Variants in ARID3C observed in about 807,000 individuals in gnomAD.
The protein encoded by ARID3C is AT-rich interaction domain 3C, also known as AT-rich interactive domain-containing protein 3C.
A neutral mutation model predicts 37.9 loss-of-function variants in ARID3C; 42 were observed. That is an observed-to-expected ratio of 1.11 (90% CI 0.87 to 1.43). The LOEUF (loss-of-function observed/expected upper bound fraction) is 1.43, where lower values mean the gene tolerates loss of function less well. Ranked by LOEUF, ARID3C falls within the 40% of genes most tolerant of loss-of-function variation. The pLI, the probability that ARID3C is intolerant of heterozygous loss-of-function variation, is 0.00. For missense variants in ARID3C, 581 were observed against 548.8 expected, an observed-to-expected ratio of 1.06 and a Z score of -0.59; for synonymous variants, 213 against 228.0, an observed-to-expected ratio of 0.93 and a Z score of 0.59.
exon 5 of ARID3C, chr9:34,622,400 G>A: frequency 6.2e-7 from 1 of 1,613,926 alleles, no homozygotes; most frequent in Non-Finnish European, 8.5e-7. Flanking sequence ...GCAAGGTCGA[G>A]GTGGGTCCAT....
chr9:34,632,544 A>T (rs984598241), upstream of ARID3C, among the ~76,000 whole-genome samples: 1 of 152,172 alleles, frequency 6.6e-6, no homozygotes, highest in African/African-American at 2.4e-5. Flanking sequence ...CGTGAAGATC[A>T]GTTAGGGGGC....
chr9:34,629,726 A>C (rs1820706042), upstream of ARID3C, among the ~76,000 whole-genome samples: 1 of 151,948 alleles, frequency 6.6e-6, no homozygotes, highest in Non-Finnish European at 1.5e-5. Flanking sequence ...TCTATTATGG[A>C]AATTTTCTTT....
chr9:34,622,408 C>T, exon 5 of ARID3C: 1 of 1,614,072 alleles, frequency 6.2e-7, no homozygotes, highest in Non-Finnish European at 8.5e-7. Flanking sequence ...GAGGTGGGTC[C>T]ATAGGCCCCA....
intron 2 of ARID3C, among the ~76,000 whole-genome samples, chr9:34,624,645 G>T (rs181650235): frequency 1.3e-5 from 2 of 152,184 alleles, no homozygotes; most frequent in Non-Finnish European, 2.9e-5. Flanking sequence ...AGCCCGCGCC[G>T]CCCCCGCCGG....
At chr9:34,627,629 C>A (rs1484164152) in intron 1 of ARID3C, 68 bp downstream of exon 2, 2 of 1,463,786 alleles carry the variant, frequency 1.4e-6, no homozygotes, top group East Asian at 2.3e-5. Context: ...CTGCTAATCA[C>A]CTGGCTGTGC....
At chr9:34,624,127 G>A in intron 2 of ARID3C, 80 bp from the exon 4 acceptor site, 1 of 1,438,704 alleles carries the variant, frequency 7.0e-7, no homozygotes, top group East Asian at 2.5e-5. Flanking sequence ...TACAGGACGG[G>A]AGCCCCGGGG....
At chr9:34,631,232 G>A (rs1301075974), upstream of ARID3C, among the ~76,000 whole-genome samples, 1 of 152,176 alleles carries the variant, frequency 6.6e-6, no homozygotes, top group African/African-American at 2.4e-5. Flanking sequence ...AGATCGCTTT[G>A]TAGGGTTTGG....
chr9:34,621,707 T>C (rs777942840), intron 6 of ARID3C, 149 bp from the exon 8 acceptor site: 15 of 670,022 alleles, frequency 2.2e-5, no homozygotes, highest in Admixed American at 6.1e-5. Flanking sequence ...ACAAGCTCCT[T>C]GGGTCAGTAA....
chr9:34,632,778 G>A (rs1820733874), upstream of ARID3C, among the ~76,000 whole-genome samples: 1 of 152,172 alleles, frequency 6.6e-6, no homozygotes, highest in African/African-American at 2.4e-5. Flanking sequence ...ACAGGATGGT[G>A]GTGGTGTGGG....
intron 2 of ARID3C, among the ~76,000 whole-genome samples, chr9:34,625,071 G>T (rs991865747): frequency 2.6e-5 from 4 of 152,104 alleles, no homozygotes; most frequent in Non-Finnish European, 5.9e-5. Flanking sequence ...GCGGTGGGGG[G>T]GCGGGGGGTA....
chr9:34,625,878 T>C, intron 1 of ARID3C, 64 bp from the exon 3 acceptor site: 1 of 1,583,610 alleles, frequency 6.3e-7, no homozygotes, highest in Non-Finnish European at 8.7e-7. Flanking sequence ...TGACCCCAAT[T>C]CAGGTTGTAC....
intron 5 of ARID3C, 41 bp downstream of exon 6, chr9:34,622,306 T>C (rs1258199613): frequency 2.5e-6 from 4 of 1,577,142 alleles, no homozygotes; most frequent in Non-Finnish European, 3.4e-6. Flanking sequence ...CCTCCCTCAG[T>C]GTACAGTCCC....
At chr9:34,623,493 GCTGGGC>G in exon 4 of ARID3C, 3 of 1,546,076 alleles carry the variant, frequency 1.9e-6, no homozygotes, top group Middle Eastern at 3.5e-4. Flanking sequence ...GGAACCCTGG[GCTGGGC>G]CAGGGCTGGA....
chr9:34,624,119 C>T (rs1158190067), intron 2 of ARID3C, 72 bp from the exon 4 acceptor site: 3 of 1,482,454 alleles, frequency 2.0e-6, no homozygotes, highest in Non-Finnish European at 1.8e-6. Flanking sequence ...GGGACTGATA[C>T]AGGACGGGAG....
At chr9:34,624,219 C>CA (rs139887499) in intron 2 of ARID3C, among the ~76,000 whole-genome samples, 172 bp from the exon 4 acceptor site, 14,084 of 150,114 alleles carry the variant, frequency 0.094, 2,220 homozygotes, top group African/African-American at 0.32. Flanking sequence ...GAGGCTAGAA[C>CA]GGGGGGGGGC....
chr9:34,625,110 T>G (rs977855773), intron 2 of ARID3C, among the ~76,000 whole-genome samples: 1 of 152,238 alleles, frequency 6.6e-6, no homozygotes, highest in African/African-American at 2.4e-5. Context: ...TAGCGGCTTA[T>G]CAGGCTGCGC....
chr9:34,621,603 AG>A, intron 6 of ARID3C, 45 bp from the exon 8 acceptor site: 2 of 1,389,708 alleles, frequency 1.4e-6, no homozygotes, highest in Admixed American at 2.3e-5. Context: ...AACAAGCAGG[AG>A]GGGGTAGGGT....
chr9:34,621,924 C>A, intron 6 of ARID3C, 96 bp downstream of exon 7: 2 of 1,240,574 alleles, frequency 1.6e-6, no homozygotes. Flanking sequence ...TTTAGATATC[C>A]CTGAACTTCA....
exon 4 of ARID3C, chr9:34,623,592 G>C (rs757898870): frequency 1.2e-6 from 2 of 1,608,936 alleles, no homozygotes; most frequent in Non-Finnish European, 8.5e-7. Flanking sequence ...GCCGAAGAGC[G>C]GAGTAGCGGT....
Sources: allele counts gnomAD v4.1 joint callset (sites outside exome capture counted in the v4.1 genomes callset), GRCh38; gene constraint gnomAD v4.1.1; transcripts MANE v1.5; gene names NCBI Gene and HGNC (gene_info 2026-07-23, HGNC 2026-07-21).